The following ACP7 variants were observed in gnomAD, a reference collection of about 807,000 sequenced individuals.
ACP7 encodes the protein acid phosphatase type 7.
In ACP7, 58 loss-of-function variants were observed where a neutral mutation model predicts 60.6. That is an observed-to-expected ratio of 0.96 (90% CI 0.77 to 1.19). The LOEUF is 1.19. ACP7 is among the 50% of genes most tolerant of loss of function. The pLI is 0.00. For missense variants in ACP7, 574 were observed against 596.2 expected (o/e 0.96, Z 0.39); for synonymous variants, 237 against 232.6 (o/e 1.02, Z -0.17).
rs201497599 is a variant in ACP7 at position 39,101,130 on chromosome 19, C to T, written c.916-20C>T. On this transcript the variant is annotated intron_variant, in intron 8 of 12. Transcript: ENST00000331256. ...GGCGTCAGTCTGCGTCACCCTCACC[C>T]GCTCATTCACCCTGCCCAGGTCCGC... is the stretch of plus-strand genomic sequence containing the variant. The T allele has an allele frequency of 4.6e-4, 743 of 1,614,004 alleles. 5 individuals carry two copies. The highest frequency in any genetic ancestry group is 3.1e-3 in the Middle Eastern group (19 of 6,062).
intron 12 of ACP7, among the ~76,000 whole-genome samples, chr19:39,108,060 A>G (rs894447657): frequency 6.6e-6 from 1 of 152,098 alleles, no homozygotes; most frequent in African/African-American, 2.4e-5. Flanking sequence ...CAAAACAAAA[A>G]AACGAACAAA....
At chr19:39,099,992 C>CAAAAA (rs35619428) in intron 4 of ACP7, among the ~76,000 whole-genome samples, 1 of 72,500 alleles carries the variant, frequency 1.4e-5, no homozygotes, top group Non-Finnish European at 2.5e-5. Context: ...GACTCTGTCT[C>CAAAAA]AAAAAAAAAA....
At chr19:39,098,023 G>T (rs1242380064) in intron 2 of ACP7, among the ~76,000 whole-genome samples, 2 of 151,924 alleles carry the variant, frequency 1.3e-5, no homozygotes, top group African/African-American at 2.4e-5. Flanking sequence ...GGCCAAGGTG[G>T]GTGGATCACC....
chr19:39,088,613 G>A (rs2073169962), intron 2 of ACP7, among the ~76,000 whole-genome samples: 1 of 152,152 alleles, frequency 6.6e-6, no homozygotes, highest in Non-Finnish European at 1.5e-5. Flanking sequence ...AGGTACCATT[G>A]CTACTCCCAT....
In ACP7 at chr19:39,109,685, T is replaced by TAAAAAAAAAAAAAAAAAAA. The variant is rs34682645; in HGVS notation, c.1252-362_1252-344dup. ...CTGGGTGACAGAGCAAGACTCTGTC[T>TAAAAAAAAAAAAAAAAAAA]AAAAAAAAAAAAAAAAAAAAAAAAG... On this transcript the variant is annotated intron_variant, in intron 12 of 12. Transcript: ENST00000331256. Among the ~76,000 whole-genome samples, 2 of 65,502 alleles carry TAAAAAAAAAAAAAAAAAAA rather than the reference T, an allele frequency of 3.1e-5. 1 individual carries two copies. 43.0% of individuals were successfully genotyped at this position (65,502 alleles called of 152,430 possible).
At chr19:39,097,046 C>T (rs1198565990) in intron 2 of ACP7, among the ~76,000 whole-genome samples, 1 of 152,150 alleles carries the variant, frequency 6.6e-6, no homozygotes, top group African/African-American at 2.4e-5. Context: ...GTGATCTGCC[C>T]ACCTTGGCCT....
intron 5 of ACP7, 42 bp downstream of exon 5, chr19:39,100,392 A>G (rs371827202): frequency 6.8e-6 from 11 of 1,610,124 alleles, no homozygotes; most frequent in Middle Eastern, 1.6e-4. Flanking sequence ...GGCTGGATCA[A>G]TGGAAATGGT....
chr19:39,099,417 G>T (rs754076101), intron 4 of ACP7, among the ~76,000 whole-genome samples: 4 of 152,188 alleles, frequency 2.6e-5, no homozygotes, highest in Non-Finnish European at 5.9e-5. Context: ...AGAGAAAGCT[G>T]GTTCCGAGTT....
intron 2 of ACP7, among the ~76,000 whole-genome samples, chr19:39,097,882 G>C (rs1351300165): frequency 6.6e-6 from 1 of 151,914 alleles, no homozygotes; most frequent in Non-Finnish European, 1.5e-5. Context: ...ACCATATAGG[G>C]CAGAGACTAT....
chr19:39,089,211 G>A (rs1378833363), intron 2 of ACP7, among the ~76,000 whole-genome samples: 2 of 152,058 alleles, frequency 1.3e-5, no homozygotes, highest in African/African-American at 4.8e-5. Context: ...TTACAGGCAT[G>A]AGCCACTGTA....
chr19:39,098,849 G>A, intron 3 of ACP7, 111 bp from the exon 4 acceptor site: 1 of 1,481,916 alleles, frequency 6.7e-7, no homozygotes, highest in South Asian at 1.3e-5. Flanking sequence ...GCATGGGCCA[G>A]CCCCCACCAG....
chr19:39,086,973 A>G (rs554299215), intron 2 of ACP7, among the ~76,000 whole-genome samples: 64 of 152,296 alleles, frequency 4.2e-4, no homozygotes, highest in Non-Finnish European at 7.5e-4. Flanking sequence ...TTGAGTGAGG[A>G]AAGTGGCATT....
Position 39,085,121 on chromosome 19 carries a change from A to G in ACP7, c.-149A>G, listed in dbSNP as rs374262894. ...TGGATAACCACCCATCTTGAAGGAGACCTCCCTGCCCTGCCTCTGTTGTCC... is the reference window on the plus strand; with the variant it reads ...TGGATAACCACCCATCTTGAAGGAGGCCTCCCTGCCCTGCCTCTGTTGTCC... On this transcript the variant is annotated 5_prime_UTR_variant, in exon 2 of 13. Transcript: ENST00000331256. The G allele has an allele frequency of 4.6e-4, 460 of 1,001,118 alleles. 3 individuals carry two copies. The African/African-American group carries it at 6.6e-3, about 14-fold the overall frequency. The allele number at this position is 1,001,118 out of a possible 1,614,324, so 62.0% of individuals were successfully genotyped here. A position where few individuals can be genotyped will look rare whatever the true frequency, so the allele number is the denominator to read the frequency against.
At position 39,106,942 on chromosome 19, in the gene ACP7, C is replaced by G. The variant is rs1250937489; in HGVS notation, c.1114-5C>G. 8 of 1,613,580 alleles carry G rather than the reference C, an allele frequency of 5.0e-6. No individual in the cohort carries two copies. The highest frequency in any genetic ancestry group is 6.8e-6 in the Non-Finnish European group (8 of 1,179,866). On this transcript the variant is annotated splice_region_variant and splice_polypyrimidine_tract_variant and intron_variant, in intron 11 of 12. Coordinates refer to ENST00000331256, the MANE Select transcript of ACP7 (RefSeq NM_001004318.3). ...TCTGGGTCTGATCAGTTCTCCCCGCCCCAGGGCTGTGAGGAGCGGCTGACG... is the reference window on the plus strand; with the variant it reads ...TCTGGGTCTGATCAGTTCTCCCCGCGCCAGGGCTGTGAGGAGCGGCTGACG...
At chr19:39,091,133 T>C (rs139641760) in intron 2 of ACP7, among the ~76,000 whole-genome samples, 2 of 152,006 alleles carry the variant, frequency 1.3e-5, no homozygotes, top group Admixed American at 6.6e-5. Flanking sequence ...AAGCACCTAT[T>C]TCCCACAATA....
At chr19:39,106,909 C>A in intron 11 of ACP7, 38 bp from the exon 12 acceptor site, 2 of 1,609,462 alleles carry the variant, frequency 1.2e-6, no homozygotes, top group Non-Finnish European at 1.7e-6. Context: ...CGCGGGTCCT[C>A]CACCTGCTCT....
At chr19:39,098,864 C>T in intron 3 of ACP7, 96 bp from the exon 4 acceptor site, 4 of 1,508,948 alleles carry the variant, frequency 2.7e-6, no homozygotes, top group Non-Finnish European at 3.6e-6. Context: ...CACCAGTCCC[C>T]CCATCTCCTC....
In ACP7 at chr19:39,085,212, G is replaced by T; in HGVS notation, c.-58G>T. On this transcript the variant is annotated 5_prime_UTR_variant, in exon 2 of 13. Coordinates refer to ENST00000331256, the MANE Select transcript of ACP7 (RefSeq NM_001004318.3). ...CAGCCCTTCCTGCTGTACCTGTGGG[G>T]AGCTGATCTCCTCAGTCCCCCTGCT... 1 of 1,565,238 alleles carries T rather than the reference G, an allele frequency of 6.4e-7. No homozygotes were observed. The highest frequency in any genetic ancestry group is 1.2e-5 in the South Asian group (1 of 82,306).
intron 11 of ACP7, 113 bp downstream of exon 11, chr19:39,101,650 T>G: frequency 8.2e-7 from 1 of 1,226,554 alleles, no homozygotes; most frequent in Non-Finnish European, 1.1e-6. Context: ...CACTTAACCC[T>G]CAGCCCTAAG....
Sources: gnomAD v4.1 joint callset for allele counts (sites outside exome capture counted in the v4.1 genomes callset) on GRCh38, gnomAD v4.1.1 for gene constraint, MANE v1.5 for transcripts, NCBI Gene and HGNC (gene_info 2026-07-23, HGNC 2026-07-21) for gene names.